CRYZL1: variants seen among roughly 807,000 people sequenced by gnomAD.
The protein encoded by CRYZL1 is ferry endosomal RAB5 effector complex subunit 4.
CRYZL1 carries 34 observed loss-of-function variants against 50.6 expected under a neutral mutation model. The observed-to-expected ratio is 0.67, with a 90% confidence interval of 0.51 to 0.89. The LOEUF is 0.89. Among genes scored for constraint, CRYZL1 ranks in the 40% least tolerant of loss-of-function variants. The probability of loss-of-function intolerance (pLI) is 0.00; values close to 1 mark genes in which losing one functional copy is unlikely to be tolerated. For missense variants in CRYZL1, 354 were observed against 402.3 expected, an observed-to-expected ratio of 0.88 and a Z score of 1.03; for synonymous variants, 125 against 134.3, an observed-to-expected ratio of 0.93 and a Z score of 0.48.
chr21:33,616,813 T>TAATGTATTAA, intron 4 of CRYZL1, 63 bp from the exon 5 acceptor site: 1 of 1,338,392 alleles, frequency 7.5e-7, no homozygotes, highest in Non-Finnish European at 1.0e-6. Context: ...TCTTATCTAT[T>TAATGTATTAA]AAAATACATT....
chr21:33,636,086 A>G (rs2087203601), intron 1 of CRYZL1, among the ~76,000 whole-genome samples: 2 of 152,330 alleles, frequency 1.3e-5, no homozygotes, highest in South Asian at 4.1e-4. Context: ...ATTTTACTAT[A>G]CCAAAAAAGT....
At chr21:33,632,842 A>C (rs928357312) in intron 1 of CRYZL1, among the ~76,000 whole-genome samples, 10 of 152,244 alleles carry the variant, frequency 6.6e-5, no homozygotes, top group African/African-American at 2.4e-4. Context: ...TACAGTGTGA[A>C]TATGCCCACA....
At position 33,589,868 on chromosome 21, in the gene CRYZL1, G is replaced by T; in HGVS notation, c.1004C>A (p.Ala335Asp). Residue 335 changes from alanine to aspartate, a missense_variant, in exon 13 of 13, where the codon GCT becomes GAT. Transcript: ENST00000381554. ...TTTTCTTCCTTGATTTTTCTGAACA[G>T]CTTCCATGGAAACTTTTGCCTCATA... ...PLYEAKVSME[A>D]VQKNQGRKKQ... is the part of the protein sequence containing the mutation. 6.2e-7 allele frequency: 1 copy of T among 1,612,886 alleles called. No homozygotes were observed. Among genetic ancestry groups the T allele is most frequent in the South Asian group, 1.1e-5 (1 of 90,792 alleles).
At chr21:33,623,951 T>C (rs2145950591) in intron 3 of CRYZL1, among the ~76,000 whole-genome samples, 2 of 152,264 alleles carry the variant, frequency 1.3e-5, no homozygotes, top group Middle Eastern at 3.4e-3. Flanking sequence ...ACAAGAGAAA[T>C]ATGAACCATA....
At chr21:33,632,978 T>C (rs1178612203) in intron 1 of CRYZL1, among the ~76,000 whole-genome samples, 1 of 152,234 alleles carries the variant, frequency 6.6e-6, no homozygotes, top group Non-Finnish European at 1.5e-5. Context: ...GAACTTTATA[T>C]AAATAAAATT....
intron 1 of CRYZL1, among the ~76,000 whole-genome samples, chr21:33,639,007 G>A (rs1356840977): frequency 6.6e-6 from 1 of 152,148 alleles, no homozygotes; most frequent in Non-Finnish European, 1.5e-5. Context: ...TACATGTGTG[G>A]CATAATCTCT....
At chr21:33,597,536 GACTCCA>G in intron 9 of CRYZL1, 135 bp from the exon 10 acceptor site, 4 of 671,616 alleles carry the variant, frequency 6.0e-6, no homozygotes, top group Non-Finnish European at 5.0e-6. Context: ...GGCTGGCCTG[GACTCCA>G]GCAATCCTCC....
chr21:33,613,266 G>C (rs572989748), intron 6 of CRYZL1, among the ~76,000 whole-genome samples: 1 of 152,270 alleles, frequency 6.6e-6, no homozygotes, highest in African/African-American at 2.4e-5. Flanking sequence ...AGAGCCAAGA[G>C]AGAAATCACT....
At chr21:33,598,789 T>C (rs968011172) in intron 9 of CRYZL1, among the ~76,000 whole-genome samples, 1 of 152,086 alleles carries the variant, frequency 6.6e-6, no homozygotes, top group African/African-American at 2.4e-5. Flanking sequence ...TCTTAAAACA[T>C]TATAAGACAT....
At chr21:33,641,310 G>A in intron 1 of CRYZL1, 1 of 1,547,184 alleles carries the variant, frequency 6.5e-7, no homozygotes, top group South Asian at 1.2e-5. Context: ...AAGTGGCTGA[G>A]AAGAAGTAAC....
At chr21:33,621,126 C>T (rs1378659384) in intron 4 of CRYZL1, among the ~76,000 whole-genome samples, 2 of 148,952 alleles carry the variant, frequency 1.3e-5, no homozygotes, top group East Asian at 2.1e-4. Flanking sequence ...AGGATGGTCT[C>T]GATCTCCTGA....
chr21:33,593,893 G>A (rs771508804), intron 11 of CRYZL1, among the ~76,000 whole-genome samples: 80 of 146,202 alleles, frequency 5.5e-4, no homozygotes, highest in Admixed American at 9.1e-4. Context: ...GCTGAGACAG[G>A]AGAATTGCTT....
At position 33,599,235 on chromosome 21, in the gene CRYZL1, A is replaced by T. The variant is rs897321965; in HGVS notation, c.591T>A (p.Asp197Glu). The T allele has an allele frequency of 6.2e-7, 1 of 1,613,694 alleles. No individual in the cohort carries two copies. Among genetic ancestry groups the T allele is most frequent in the Non-Finnish European group, 8.5e-7 (1 of 1,179,742 alleles). ...CAACATGAACTTTCCCATTAGATAC[A>T]TCAATCACTCGGGCTGTAAAGGACA... Reference protein sequence around the residue: ...RFRPPIARVIDVSNGKVHVAE... With the variant: ...RFRPPIARVIEVSNGKVHVAE... Residue 197 changes from aspartate (D) to glutamate (E), a missense_variant, in exon 9 of 13, where the codon GAT becomes GAA. By Grantham distance (45) the Asp-to-Glu change is conservative. Coordinates refer to ENST00000381554, the MANE Select transcript of CRYZL1 (RefSeq NM_145858.3).
intron 1 of CRYZL1, among the ~76,000 whole-genome samples, chr21:33,634,683 C>T (rs969300324): frequency 6.6e-6 from 1 of 151,588 alleles, no homozygotes; most frequent in African/African-American, 2.4e-5. Context: ...AATTACGTAT[C>T]AATGCCTTGA....
chr21:33,610,554 A>G (rs1051792898), intron 6 of CRYZL1, among the ~76,000 whole-genome samples: 2 of 152,140 alleles, frequency 1.3e-5, no homozygotes, highest in African/African-American at 4.8e-5. Context: ...ACTTTAATCC[A>G]TCCTCCTGAT....
intron 1 of CRYZL1, chr21:33,640,248 T>A: frequency 6.5e-7 from 1 of 1,542,122 alleles, no homozygotes; most frequent in Non-Finnish European, 8.7e-7. Context: ...GGCAGCTTTA[T>A]CTTGTATGGC....
At chr21:33,601,869 G>A (rs1268007660) in intron 8 of CRYZL1, among the ~76,000 whole-genome samples, 7 of 147,770 alleles carry the variant, frequency 4.7e-5, no homozygotes, top group Admixed American at 2.0e-4. Context: ...AGTGAGCCAC[G>A]ATTGTGCCAT....
chr21:33,623,364 C>T (rs150010368), intron 3 of CRYZL1, among the ~76,000 whole-genome samples: 41 of 152,298 alleles, frequency 2.7e-4, no homozygotes, highest in Non-Finnish European at 4.4e-5. Context: ...TTACATTACC[C>T]ACACAGTTTT....
chr21:33,616,075 T>TCC (rs966818109), intron 5 of CRYZL1, among the ~76,000 whole-genome samples: 1 of 146,002 alleles, frequency 6.8e-6, no homozygotes, highest in South Asian at 2.2e-4. Flanking sequence ...ATGCTATCCC[T>TCC]CCCCCCCCCA....
Sources: allele counts gnomAD v4.1 joint callset (sites outside exome capture counted in the v4.1 genomes callset), GRCh38; gene constraint gnomAD v4.1.1; transcripts MANE v1.5; gene names NCBI Gene and HGNC (gene_info 2026-07-23, HGNC 2026-07-21).